Variants in OR2A5 observed in about 807,000 individuals in gnomAD.
OR2A5 encodes olfactory receptor family 2 subfamily A member 5.
A neutral mutation model predicts 1.9 loss-of-function variants in OR2A5; 2 were observed. The ratio of observed to expected loss-of-function variants is 1.04; its 90% CI spans 0.43 to 3.28. OR2A5 has a LOEUF of 3.28. Among genes scored for constraint, OR2A5 ranks in the 30% most tolerant of loss-of-function variants. The pLI is 0.08. For synonymous variants in OR2A5, 160 were observed against 154.5 expected (o/e 1.04, Z -0.26); for missense variants, 391 against 375.9 (o/e 1.04, Z -0.33).
Position 144,049,088 on chromosome 7 carries a change from C to G in OR2A5, c.-97C>G, listed in dbSNP as rs2050883168. 6.6e-6 allele frequency: 1 copy of G among 152,182 alleles called. No individual in the cohort carries two copies. The highest frequency in any genetic ancestry group is 1.5e-5 in the Non-Finnish European group (1 of 68,040). The allele number at this position is 152,182 out of a possible 1,614,324, so 9.4% of individuals were successfully genotyped here. ...CTCCTGTGATCTCTGCACAATTTCT[C>G]TAAATAGAATTATATTTCTGAGACA... On this transcript the variant is annotated 5_prime_UTR_variant, in exon 1 of 2. Transcript: ENST00000641693.
Position 144,051,907 on chromosome 7 carries a change from T to G in OR2A5, c.*570T>G, listed in dbSNP as rs1252192088. On this transcript the variant is annotated 3_prime_UTR_variant, in exon 2 of 2. Transcript: ENST00000641693. The stretch of plus-strand genomic sequence containing the variant: ...AAAAAGCAAAGTTTAATTGTATAGA[T>G]TTTTTTATATAAAAGGCAGAGAAAT... 6.6e-6 allele frequency: 1 copy of G among 152,210 alleles called. No individual in the cohort carries two copies. The highest frequency in any genetic ancestry group is 1.5e-5 in the Non-Finnish European group (1 of 68,166). The allele number at this position is 152,210 out of a possible 1,614,324, so 9.4% of individuals were successfully genotyped here.
chr7:144,051,422 A>C lies in OR2A5; in HGVS notation c.*85A>C. ...AGTGGTGTAAATGCCTTACAGTCTCATCTCTTAGATTTCTGATATCAAGAA... is the reference window on the plus strand; with the variant it reads ...AGTGGTGTAAATGCCTTACAGTCTCCTCTCTTAGATTTCTGATATCAAGAA... On this transcript the variant is annotated 3_prime_UTR_variant, in exon 2 of 2. Transcript: ENST00000641693. 2.0e-6 allele frequency: 2 copies of C among 1,024,698 alleles called. No individual in the cohort carries two copies. Among genetic ancestry groups the C allele is most frequent in the Non-Finnish European group, 2.9e-6 (2 of 695,002 alleles). 63.5% of individuals were successfully genotyped at this position (1,024,698 alleles called of 1,614,324 possible). A position where few individuals can be genotyped will look rare whatever the true frequency, so the allele number is the denominator to read the frequency against.
At position 144,053,177 on chromosome 7, in the gene OR2A5, A is replaced by G. The variant is rs1052647901; in HGVS notation, c.*1840A>G. 9.2e-5 allele frequency: 14 copies of G among 152,092 alleles called. No homozygotes were observed. The highest frequency in any genetic ancestry group is 3.4e-4 in the African/African-American group (14 of 41,440). 9.4% of individuals were successfully genotyped at this position (152,092 alleles called of 1,614,324 possible). A position where few individuals can be genotyped will look rare whatever the true frequency, so the allele number is the denominator to read the frequency against. On this transcript the variant is annotated 3_prime_UTR_variant, in exon 2 of 2. Transcript: ENST00000641693. ...ACTACATTTCTACAGAAAGTGACAA[A>G]TATAGATAAATTATAAAGAAATGTT...
chr7:144,049,994 C>G (rs1375323861), intron 1 of OR2A5, among the ~76,000 whole-genome samples: 1 of 152,132 alleles, frequency 6.6e-6, no homozygotes, highest in African/African-American at 2.4e-5. Flanking sequence ...GGAAAATATG[C>G]AAAGTAAATA....
chr7:144,052,885 A>G lies in OR2A5; in HGVS notation c.*1548A>G, dbSNP rs1478643906. On this transcript the variant is annotated 3_prime_UTR_variant, in exon 2 of 2. Transcript: ENST00000641693. Reference sequence around the variant, plus strand: ...CACTACTCTGAAGCTAGAAAGAGAAAACAGGCAGTATTTTCATATAGAAAG... The same window carrying G: ...CACTACTCTGAAGCTAGAAAGAGAAGACAGGCAGTATTTTCATATAGAAAG... The G allele has an allele frequency of 1.3e-5, 2 of 152,212 alleles. No homozygotes were observed. The highest frequency in any genetic ancestry group is 2.9e-5 in the Non-Finnish European group (2 of 68,036). The allele number at this position is 152,212 out of a possible 1,614,324, so 9.4% of individuals were successfully genotyped here.
rs2050897756 is a variant in OR2A5, at chr7:144,050,860, C to T, written c.459C>T (p.Ser153=). The change falls in exon 2 of 2, where the codon TCC becomes TCT. Residue 153 remains serine, a synonymous_variant. Transcript: ENST00000641693. ...VLAVTSWACG[S]LLALVHVVLI... Reference sequence around the variant, plus strand: ...CTGTCACTTCTTGGGCATGTGGTTCCCTTCTGGCCCTGGTCCATGTGGTTC... The same window carrying T: ...CTGTCACTTCTTGGGCATGTGGTTCTCTTCTGGCCCTGGTCCATGTGGTTC... The T allele has an allele frequency of 1.2e-6, 2 of 1,614,148 alleles. No homozygotes were observed. Among genetic ancestry groups the T allele is most frequent in the Non-Finnish European group, 1.7e-6 (2 of 1,180,034 alleles).
rs1000582473 is a variant in OR2A5 at position 144,052,328 on chromosome 7, G to C, written c.*991G>C. On this transcript the variant is annotated 3_prime_UTR_variant, in exon 2 of 2. Transcript: ENST00000641693. ...TCAGAATGACATGGACAGGTAATTTGTTTTATTTTAACACAAGTCTGAGTC... is the reference window on the plus strand; with the variant it reads ...TCAGAATGACATGGACAGGTAATTTCTTTTATTTTAACACAAGTCTGAGTC... 1 of 152,066 alleles carries C rather than the reference G, an allele frequency of 6.6e-6. No homozygotes were observed. The highest frequency in any genetic ancestry group is 2.4e-5 in the African/African-American group (1 of 41,430). The allele number at this position is 152,066 out of a possible 1,614,324, so 9.4% of individuals were successfully genotyped here.
At chr7:144,049,295 G>A (rs2050884161) in intron 1 of OR2A5, among the ~76,000 whole-genome samples, 162 bp downstream of exon 1, 1 of 152,212 alleles carries the variant, frequency 6.6e-6, no homozygotes, top group South Asian at 2.1e-4. Flanking sequence ...CAGAGGTGGA[G>A]TCATAAGCTG....
At position 144,051,106 on chromosome 7, in the gene OR2A5, A is replaced by G; in HGVS notation, c.705A>G (p.Arg235=). ...ILRIQSGEGR[R]KAFSTCSSHL... is the part of the protein sequence containing the mutation. ...GGATCCAGTCTGGGGAGGGCCGCAGAAAGGCCTTCTCCACCTGCTCCTCCC... is the reference window on the plus strand; with the variant it reads ...GGATCCAGTCTGGGGAGGGCCGCAGGAAGGCCTTCTCCACCTGCTCCTCCC... Residue 235 remains arginine, a synonymous_variant, in exon 2 of 2, where the codon AGA becomes AGG. Transcript: ENST00000641693. 1 of 1,614,128 alleles carries G rather than the reference A, an allele frequency of 6.2e-7. No individual in the cohort carries two copies. Among genetic ancestry groups the G allele is most frequent in the East Asian group, 2.2e-5 (1 of 44,874 alleles).
Position 144,056,604 on chromosome 7 carries a change from C to A in OR2A5, c.*5267C>A, listed in dbSNP as rs924360866. On this transcript the variant is annotated 3_prime_UTR_variant, in exon 2 of 2. Transcript: ENST00000641693. ...AAAATAAATTCACTTCTGATGATGT[C>A]CCTTGTGCATGTTCAGGAATGAACA... 1.3e-5 allele frequency: 2 copies of A among 152,146 alleles called. No individual in the cohort carries two copies. The highest frequency in any genetic ancestry group is 2.4e-5 in the African/African-American group (1 of 41,420). The allele number at this position is 152,146 out of a possible 1,614,324, so 9.4% of individuals were successfully genotyped here.
Position 144,055,013 on chromosome 7 carries a change from G to A in OR2A5, c.*3676G>A, listed in dbSNP as rs2050928994. On this transcript the variant is annotated 3_prime_UTR_variant, in exon 2 of 2. Transcript: ENST00000641693. ...TTGCCCTGGATACTAATCATATTAG[G>A]AAAGAAATATATAGATGAGCAAATA... is the stretch of plus-strand genomic sequence containing the variant. 1 of 152,220 alleles carries A rather than the reference G, an allele frequency of 6.6e-6. No individual in the cohort carries two copies. Among genetic ancestry groups the A allele is most frequent in the Middle Eastern group, 3.4e-3 (1 of 294 alleles). 9.4% of individuals were successfully genotyped at this position (152,220 alleles called of 1,614,324 possible).
In OR2A5 at chr7:144,051,207, A is replaced by G; in HGVS notation, c.806A>G (p.Glu269Gly). ...GCCCCCAAGTCCCGCCACCCTGAGG[A>G]GCAGCAGAAGGTCCTTTCCCTGTTT... Reference protein sequence around the residue: ...YMAPKSRHPEEQQKVLSLFYS... With the variant: ...YMAPKSRHPEGQQKVLSLFYS... Residue 269 changes from glutamate to glycine, a missense_variant, in exon 2 of 2, where the codon GAG (glutamate) becomes GGG (glycine). By Grantham distance (98) the Glu-to-Gly change is moderately conservative (BLOSUM62 -2). Coordinates refer to ENST00000641693, the MANE Select transcript of OR2A5 (RefSeq NM_012365.2). 6.2e-7 allele frequency: 1 copy of G among 1,614,194 alleles called. No homozygotes were observed. Among genetic ancestry groups the G allele is most frequent in the South Asian group, 1.1e-5 (1 of 91,088 alleles).
In OR2A5 at chr7:144,055,294, G is replaced by A. The variant is rs979184806; in HGVS notation, c.*3957G>A. Reference sequence around the variant, plus strand: ...ACATTATAAGTTATGCAACAATGAGGTCTTGTGAATTATTGTGCAGCCTTA... The same window carrying A: ...ACATTATAAGTTATGCAACAATGAGATCTTGTGAATTATTGTGCAGCCTTA... On this transcript the variant is annotated 3_prime_UTR_variant, in exon 2 of 2. Coordinates refer to ENST00000641693, the MANE Select transcript of OR2A5 (RefSeq NM_012365.2). 1 of 152,020 alleles carries A rather than the reference G, an allele frequency of 6.6e-6. No individual in the cohort carries two copies. The highest frequency in any genetic ancestry group is 2.4e-5 in the African/African-American group (1 of 41,332). 9.4% of individuals were successfully genotyped at this position (152,020 alleles called of 1,614,324 possible). A position where few individuals can be genotyped will look rare whatever the true frequency, so the allele number is the denominator to read the frequency against.
At position 144,056,225 on chromosome 7, in the gene OR2A5, A is replaced by G. The variant is rs377503331; in HGVS notation, c.*4888A>G. On this transcript the variant is annotated 3_prime_UTR_variant, in exon 2 of 2. Coordinates refer to ENST00000641693, the MANE Select transcript of OR2A5 (RefSeq NM_012365.2). ...TGGGAGGGACTGACTTCCTTTGCTT[A>G]CTAATGAAGACCAAAAAATGTACTG... The G allele has an allele frequency of 7.2e-5, 11 of 152,372 alleles. No homozygotes were observed. The highest frequency in any genetic ancestry group is 2.4e-4 in the African/African-American group (10 of 41,578). The allele number at this position is 152,372 out of a possible 1,614,324, so 9.4% of individuals were successfully genotyped here.
chr7:144,050,832 T>C lies in OR2A5; in HGVS notation c.431T>C (p.Leu144Pro), dbSNP rs1286144001. 1.2e-6 allele frequency: 2 copies of C among 1,614,190 alleles called. No homozygotes were observed. The highest frequency in any genetic ancestry group is 1.7e-6 in the Non-Finnish European group (2 of 1,180,034). The stretch of plus-strand genomic sequence containing the variant: ...ATGAGATGGGGAGTGTGCACAGTCC[T>C]GGCTGTCACTTCTTGGGCATGTGGT... ...VIMRWGVCTV[L>P]AVTSWACGSL... is the part of the protein sequence containing the mutation. Residue 144 changes from leucine to proline, a missense_variant, in exon 2 of 2, where the codon CTG becomes CCG. Coordinates refer to ENST00000641693, the MANE Select transcript of OR2A5 (RefSeq NM_012365.2).
rs1048106225 is a variant in OR2A5 at position 144,050,511 on chromosome 7, C to T, written c.110C>T (p.Thr37Ile). The T allele has an allele frequency of 8.1e-6, 13 of 1,606,790 alleles. No homozygotes were observed. Among genetic ancestry groups the T allele is most frequent in the Middle Eastern group, 1.7e-4 (1 of 6,024 alleles). Reference sequence around the variant, plus strand: ...CTTTTCTCCCTGTTATACGTCTTCACCCTGCTGGGAAATGGGGCCATCCTG... The same window carrying T: ...CTTTTCTCCCTGTTATACGTCTTCATCCTGCTGGGAAATGGGGCCATCCTG... ...SGLFSLLYVF[T>I]LLGNGAILGL... Residue 37 changes from threonine (T) to isoleucine (I), a missense_variant, in exon 2 of 2, where the codon ACC becomes ATC. Thr to Ile is a moderately conservative substitution (Grantham distance 89, BLOSUM62 -1). Transcript: ENST00000641693.
rs1161328269 is a variant in OR2A5, at chr7:144,057,611, A to G, written c.*6274A>G. 2 of 152,306 alleles carry G rather than the reference A, an allele frequency of 1.3e-5. No individual in the cohort carries two copies. Among genetic ancestry groups the G allele is most frequent in the South Asian group, 2.1e-4 (1 of 4,826 alleles). 9.4% of individuals were successfully genotyped at this position (152,306 alleles called of 1,614,324 possible). On this transcript the variant is annotated 3_prime_UTR_variant, in exon 2 of 2. Transcript: ENST00000641693. ...GGATTAGGAAAACTGTTACTCTACAATTTCACACACAGTTAAACTGTAATT... is the reference window on the plus strand; with the variant it reads ...GGATTAGGAAAACTGTTACTCTACAGTTTCACACACAGTTAAACTGTAATT...
chr7:144,055,684 A>G lies in OR2A5; in HGVS notation c.*4347A>G, dbSNP rs2050934438. ...ATCACAACTTTATTTCTAGATATACATGGTTTCACATTTTAAAATATTAGC... is the reference window on the plus strand; with the variant it reads ...ATCACAACTTTATTTCTAGATATACGTGGTTTCACATTTTAAAATATTAGC... On this transcript the variant is annotated 3_prime_UTR_variant, in exon 2 of 2. Coordinates refer to ENST00000641693, the MANE Select transcript of OR2A5 (RefSeq NM_012365.2). The G allele has an allele frequency of 6.6e-6, 1 of 152,224 alleles. No individual in the cohort carries two copies. 9.4% of individuals were successfully genotyped at this position (152,224 alleles called of 1,614,324 possible). A position where few individuals can be genotyped will look rare whatever the true frequency, so the allele number is the denominator to read the frequency against.
rs61741407 is a variant in OR2A5, at chr7:144,050,706, T to C, written c.305T>C (p.Phe102Ser). Residue 102 changes from phenylalanine to serine, a missense_variant, in exon 2 of 2, where the codon TTT (phenylalanine) becomes TCT (serine). Coordinates refer to ENST00000641693, the MANE Select transcript of OR2A5 (RefSeq NM_012365.2). ...TTTGTCCCATGCACAATGCAGACCT[T>C]TTTATACATGGCTTTTGCTCACACT... ...ISFVPCTMQTFLYMAFAHTEC... is the reference protein window; with the variant it reads ...ISFVPCTMQTSLYMAFAHTEC... 750 of 1,614,108 alleles carry C rather than the reference T, an allele frequency of 4.6e-4. 6 individuals carry two copies. In the African/African-American group the frequency reaches 7.1e-3, roughly 15 times the overall value.
Sources: gnomAD v4.1 joint callset for allele counts (sites outside exome capture counted in the v4.1 genomes callset) on GRCh38, gnomAD v4.1.1 for gene constraint, MANE v1.5 for transcripts, NCBI Gene and HGNC (gene_info 2026-07-23, HGNC 2026-07-21) for gene names.